Variants in LRRC4C observed in about 807,000 individuals in gnomAD.
LRRC4C encodes leucine-rich repeat-containing protein 4C.
Under a neutral mutation model 33.6 loss-of-function variants are expected in LRRC4C, and 5 were observed. That is an observed-to-expected ratio of 0.15 (90% confidence interval 0.08 to 0.31). The LOEUF (loss-of-function observed/expected upper bound fraction) is 0.31. LRRC4C is among the 10% of genes least tolerant of loss of function. LRRC4C has a pLI of 1.00. For missense variants in LRRC4C, 560 were observed against 796.7 expected (o/e 0.70, Z 3.58); for synonymous variants, 329 against 302.0 (o/e 1.09, Z -0.93).
At chr11:41,104,205 A>G (rs1017739413) in intron 1 of LRRC4C, among the ~76,000 whole-genome samples, 1 of 151,964 alleles carries the variant, frequency 6.6e-6, no homozygotes, top group African/African-American at 2.4e-5. Flanking sequence ...ACTTATATCC[A>G]ATAAGATACT....
chr11:41,071,401 G>C (rs960786955), intron 1 of LRRC4C, among the ~76,000 whole-genome samples: 2 of 151,890 alleles, frequency 1.3e-5, no homozygotes, highest in African/African-American at 4.8e-5. Context: ...ATGTGTCCCG[G>C]AACTTAAAGT....
At chr11:40,579,060 G>T (rs547718648) in intron 3 of LRRC4C, among the ~76,000 whole-genome samples, 3 of 152,132 alleles carry the variant, frequency 2.0e-5, no homozygotes, top group African/African-American at 7.2e-5. Flanking sequence ...TAAGTCGGCC[G>T]GGCGATGTGG....
chr11:41,419,404 A>G (rs193119476), intron 1 of LRRC4C, among the ~76,000 whole-genome samples: 73 of 152,016 alleles, frequency 4.8e-4, no homozygotes, highest in Non-Finnish European at 8.8e-4. Context: ...ACTAAGAAAC[A>G]TCGAGAGATT....
intron 3 of LRRC4C, among the ~76,000 whole-genome samples, chr11:40,374,289 C>T (rs975411483): frequency 3.3e-5 from 5 of 152,254 alleles, no homozygotes; most frequent in African/African-American, 9.6e-5. Context: ...CCTGATCCTC[C>T]TGGGTAGAAT....
chr11:41,190,281 A>G (rs1945883256), intron 1 of LRRC4C, among the ~76,000 whole-genome samples: 1 of 152,164 alleles, frequency 6.6e-6, no homozygotes, highest in Non-Finnish European at 1.5e-5. Flanking sequence ...AAATTTAAAC[A>G]TACTTGTGCA....
At chr11:40,390,075 G>T (rs913027320) in intron 3 of LRRC4C, among the ~76,000 whole-genome samples, 2 of 152,108 alleles carry the variant, frequency 1.3e-5, no homozygotes, top group African/African-American at 4.8e-5. Context: ...TATTTATAGG[G>T]AGTTATCACA....
intron 1 of LRRC4C, among the ~76,000 whole-genome samples, chr11:40,972,835 A>C (rs910502899): frequency 6.6e-6 from 1 of 152,106 alleles, no homozygotes; most frequent in African/African-American, 2.4e-5. Context: ...GTGGGGACAC[A>C]GAGCCAGACC....
At chr11:41,284,198 T>G (rs2136954033) in intron 1 of LRRC4C, among the ~76,000 whole-genome samples, 1 of 152,322 alleles carries the variant, frequency 6.6e-6, no homozygotes, top group Admixed American at 6.5e-5. Context: ...TTCCCAAGTT[T>G]ACTATACTTA....
chr11:41,387,111 C>T (rs1025401283), intron 1 of LRRC4C, among the ~76,000 whole-genome samples: 1 of 151,724 alleles, frequency 6.6e-6, no homozygotes, highest in Non-Finnish European at 1.5e-5. Flanking sequence ...GCAAAGCAGG[C>T]TCCTGGGGTC....
chr11:40,391,752 T>G (rs1193784384), intron 3 of LRRC4C, among the ~76,000 whole-genome samples: 1 of 152,120 alleles, frequency 6.6e-6, no homozygotes, highest in Non-Finnish European at 1.5e-5. Context: ...CACTGCATAT[T>G]AGCAATGGCT....
intron 2 of LRRC4C, among the ~76,000 whole-genome samples, chr11:40,767,177 G>A (rs1949515659): frequency 6.6e-6 from 1 of 151,906 alleles, no homozygotes; most frequent in African/African-American, 2.4e-5. Flanking sequence ...AGCAGGAGTA[G>A]CTATATTTAA....
intron 1 of LRRC4C, among the ~76,000 whole-genome samples, chr11:40,994,053 CTTT>C (rs10552924): frequency 5.3e-4 from 76 of 144,706 alleles, no homozygotes; most frequent in East Asian, 1.4e-3. Flanking sequence ...TTGGAATGTA[CTTT>C]TTTTTTTTTT....
chr11:40,296,481 A>G (rs1944518883), intron 4 of LRRC4C, among the ~76,000 whole-genome samples: 1 of 152,210 alleles, frequency 6.6e-6, no homozygotes, highest in Non-Finnish European at 1.5e-5. Context: ...GATCTACTCA[A>G]TGCCAGTTCT....
intron 4 of LRRC4C, among the ~76,000 whole-genome samples, chr11:40,291,660 C>T (rs1198114709): frequency 1.3e-5 from 2 of 152,132 alleles, no homozygotes; most frequent in African/African-American, 2.4e-5. Flanking sequence ...CACCAGCTTC[C>T]TTGCCCAAAA....
chr11:40,879,016 A>G (rs1411213429), intron 2 of LRRC4C, among the ~76,000 whole-genome samples: 1 of 152,162 alleles, frequency 6.6e-6, no homozygotes, highest in African/African-American at 2.4e-5. Context: ...TGCCACGACT[A>G]TAAGTAATTC....
intron 3 of LRRC4C, among the ~76,000 whole-genome samples, chr11:40,517,949 T>C (rs1955640787): frequency 1.3e-5 from 2 of 151,992 alleles, no homozygotes; most frequent in South Asian, 4.1e-4. Context: ...GCCTCAGAAG[T>C]AAAACCACAC....
At chr11:41,405,456 C>G (rs752749658) in intron 1 of LRRC4C, among the ~76,000 whole-genome samples, 4 of 152,076 alleles carry the variant, frequency 2.6e-5, no homozygotes, top group Non-Finnish European at 5.9e-5. Context: ...CTCCAGGTTA[C>G]TAAATCAATT....
intron 1 of LRRC4C, among the ~76,000 whole-genome samples, chr11:41,003,768 T>C (rs959835968): frequency 2.0e-5 from 3 of 151,950 alleles, no homozygotes; most frequent in African/African-American, 4.8e-5. Flanking sequence ...TGCAGTGCCC[T>C]TGGCAATCCA....
intron 1 of LRRC4C, among the ~76,000 whole-genome samples, chr11:40,934,132 A>G (rs1252529050): frequency 3.9e-5 from 6 of 152,152 alleles, no homozygotes; most frequent in South Asian, 2.1e-4. Flanking sequence ...TCATGCCTCT[A>G]TACCATTTTC....
Sources: gnomAD v4.1 joint callset for allele counts (sites outside exome capture counted in the v4.1 genomes callset) on GRCh38, gnomAD v4.1.1 for gene constraint, MANE v1.5 for transcripts, NCBI Gene and HGNC (gene_info 2026-07-23, HGNC 2026-07-21) for gene names.